The following ELMOD2 variants were observed in gnomAD, a reference collection of about 807,000 sequenced individuals.
ELMOD2 encodes ELMO domain-containing protein 2.
A neutral mutation model predicts 41.0 loss-of-function variants in ELMOD2; 28 were observed. The observed-to-expected ratio is 0.68, with a 90% confidence interval of 0.51 to 0.94. The LOEUF (loss-of-function observed/expected upper bound fraction) is 0.94. Ranked by LOEUF, ELMOD2 falls within the 40% of genes least tolerant of loss-of-function variation. The pLI, the probability that ELMOD2 is intolerant of heterozygous loss-of-function variation, is 0.00. For missense variants in ELMOD2, 333 were observed against 343.1 expected, an observed-to-expected ratio of 0.97 and a Z score of 0.23; for synonymous variants, 106 against 107.2, an observed-to-expected ratio of 0.99 and a Z score of 0.07.
intron 8 of ELMOD2, among the ~76,000 whole-genome samples, chr4:140,547,347 C>T (rs1158645442): frequency 6.6e-6 from 1 of 152,082 alleles, no homozygotes; most frequent in Non-Finnish European, 1.5e-5. Context: ...TTTTTAGCTC[C>T]ATTGTCATCT....
Position 140,550,449 on chromosome 4 carries a change from T to G in ELMOD2, c.*74T>G. 1 of 1,387,886 alleles carries G rather than the reference T, an allele frequency of 7.2e-7. No homozygotes were observed. The highest frequency in any genetic ancestry group is 9.7e-7 in the Non-Finnish European group (1 of 1,025,896). 86.0% of individuals were successfully genotyped at this position (1,387,886 alleles called of 1,614,324 possible). ...AATTTATATGTTGTAATAGGAATTA[T>G]CTGATCAATTACACTCTTATATATA... On this transcript the variant is annotated 3_prime_UTR_variant, in exon 9 of 9. Transcript: ENST00000323570.
At chr4:140,548,665 A>T (rs1735369028) in intron 8 of ELMOD2, among the ~76,000 whole-genome samples, 1 of 152,158 alleles carries the variant, frequency 6.6e-6, no homozygotes, top group African/African-American at 2.4e-5. Context: ...CACATCATTT[A>T]ACTTCTCTGC....
In ELMOD2 at chr4:140,550,384, C is replaced by T. The variant is rs75824346; in HGVS notation, c.*9C>T. The T allele has an allele frequency of 1.5e-3, 2,304 of 1,585,338 alleles. 28 individuals carry two copies. The Admixed American group carries it at 0.022, about 15-fold the overall frequency. On this transcript the variant is annotated 3_prime_UTR_variant, in exon 9 of 9. Transcript: ENST00000323570. ...TTACTTTAAAAGTATAAATCATCCA[C>T]TGTATCTTCTATTTCTACCACATTT...
rs144001576 is a variant in ELMOD2, at chr4:140,538,050, A to G, written c.399+509A>G. ...CAAAAGATTTAAACTTTAAGAAAGT[A>G]AAAATTATTTACTTAGAATTTTCCT... On this transcript the variant is annotated intron_variant, in intron 5 of 8. Transcript: ENST00000323570. Among the ~76,000 whole-genome samples, 5 of 152,328 alleles carry G rather than the reference A, an allele frequency of 3.3e-5. No homozygotes were observed. In the East Asian group the frequency reaches 9.6e-4, roughly 29 times the overall value.
In ELMOD2 at chr4:140,551,142, A is replaced by G. The variant is rs573141582; in HGVS notation, c.*767A>G. 1.8e-4 allele frequency: 27 copies of G among 152,256 alleles called. No homozygotes were observed. The highest frequency in any genetic ancestry group is 3.4e-3 in the Middle Eastern group (1 of 294). The allele number at this position is 152,256 out of a possible 1,614,324, so 9.4% of individuals were successfully genotyped here. ...TTTTCTTCTCTACCTATGTATGCTT[A>G]TGAAACCGCTCTACCTACATATGAA... On this transcript the variant is annotated 3_prime_UTR_variant, in exon 9 of 9. Coordinates refer to ENST00000323570, the MANE Select transcript of ELMOD2 (RefSeq NM_153702.4).
At chr4:140,543,753 C>T (rs1271689928) in intron 8 of ELMOD2, among the ~76,000 whole-genome samples, 167 bp downstream of exon 8, 1 of 151,918 alleles carries the variant, frequency 6.6e-6, no homozygotes, top group Non-Finnish European at 1.5e-5. Flanking sequence ...GAAGATGGGT[C>T]CCCAAGAGTA....
rs1399437683 is a variant in ELMOD2, at chr4:140,535,810, T to C, written c.249T>C (p.Ile83=). 7 of 1,608,760 alleles carry C rather than the reference T, an allele frequency of 4.4e-6. No individual in the cohort carries two copies. The African/African-American group carries it at 8.1e-5, about 19-fold the overall frequency. ...ATGATATTATGAAGGAAAAGAATAT[T>C]AACCCTGAGAAGGATGCCAGGTGTG... ...YVDDIMKEKN[I]NPEKDASFKI... is the part of the protein sequence containing the mutation. Residue 83 remains isoleucine, a synonymous_variant, in exon 4 of 9, where the codon ATT becomes ATC. Coordinates refer to ENST00000323570, the MANE Select transcript of ELMOD2 (RefSeq NM_153702.4).
intron 2 of ELMOD2, among the ~76,000 whole-genome samples, chr4:140,526,392 T>C (rs1734562683): frequency 6.6e-6 from 1 of 152,200 alleles, no homozygotes; most frequent in African/African-American, 2.4e-5. Flanking sequence ...AAAATTTTAC[T>C]CTAAAATTTG....
chr4:140,546,901 G>T (rs1578776403), intron 8 of ELMOD2, among the ~76,000 whole-genome samples: 1 of 152,222 alleles, frequency 6.6e-6, no homozygotes, highest in South Asian at 2.1e-4. Flanking sequence ...TATAAGAGCT[G>T]TAGATCATCC....
At position 140,535,713 on chromosome 4, in the gene ELMOD2, G is replaced by A. The variant is rs377121754; in HGVS notation, c.172-20G>A. 1.8e-4 allele frequency: 284 copies of A among 1,596,098 alleles called. No individual in the cohort carries two copies. The highest frequency in any genetic ancestry group is 3.4e-4 in the Middle Eastern group (2 of 5,880). On this transcript the variant is annotated intron_variant, in intron 3 of 8. Transcript: ENST00000323570. ...AGCTACAAAGAATTTTTCTCATTTGGCTTTCTTTTACATAAATAGGTTTTA... is the reference window on the plus strand; with the variant it reads ...AGCTACAAAGAATTTTTCTCATTTGACTTTCTTTTACATAAATAGGTTTTA...
Position 140,551,222 on chromosome 4 carries a change from G to C in ELMOD2, c.*847G>C, listed in dbSNP as rs188275124. Reference sequence around the variant, plus strand: ...GAGATGTATTTGCCAAGAAAATCTTGATTATATAAAAGACAAAAAGATTAT... The same window carrying C: ...GAGATGTATTTGCCAAGAAAATCTTCATTATATAAAAGACAAAAAGATTAT... On this transcript the variant is annotated 3_prime_UTR_variant, in exon 9 of 9. Coordinates refer to ENST00000323570, the MANE Select transcript of ELMOD2 (RefSeq NM_153702.4). 6.6e-6 allele frequency: 1 copy of C among 152,066 alleles called. No homozygotes were observed. Among genetic ancestry groups the C allele is most frequent in the East Asian group, 1.9e-4 (1 of 5,188 alleles). 9.4% of individuals were successfully genotyped at this position (152,066 alleles called of 1,614,324 possible).
intron 3 of ELMOD2, among the ~76,000 whole-genome samples, chr4:140,534,567 G>A (rs1734853987): frequency 6.6e-6 from 1 of 152,148 alleles, no homozygotes; most frequent in Non-Finnish European, 1.5e-5. Flanking sequence ...TAATGGAATA[G>A]TATATACAGG....
At chr4:140,535,547 A>G (rs1346695838) in intron 3 of ELMOD2, 186 bp from the exon 4 acceptor site, 1 of 501,074 alleles carries the variant, frequency 2.0e-6, no homozygotes, top group Non-Finnish European at 3.5e-6. Flanking sequence ...CTGTTCTTTT[A>G]TTATAAAACT....
At chr4:140,549,234 C>T (rs1229076269) in intron 8 of ELMOD2, among the ~76,000 whole-genome samples, 1 of 152,018 alleles carries the variant, frequency 6.6e-6, no homozygotes, top group African/African-American at 2.4e-5. Context: ...TAAAAATTGA[C>T]ATATTAGCTC....
chr4:140,545,018 T>C (rs1170611257), intron 8 of ELMOD2, among the ~76,000 whole-genome samples: 1 of 152,280 alleles, frequency 6.6e-6, no homozygotes, highest in East Asian at 1.9e-4. Context: ...CTGCTCTCTT[T>C]GTTCATGAAA....
chr4:140,524,836 A>G, intron 1 of ELMOD2: 1 of 166,846 alleles, frequency 6.0e-6, no homozygotes, highest in East Asian at 1.9e-4. Flanking sequence ...ACTTGTTAGT[A>G]TTTCTGCCCT....
chr4:140,526,333 G>T (rs939576562), intron 2 of ELMOD2, among the ~76,000 whole-genome samples: 4 of 152,196 alleles, frequency 2.6e-5, no homozygotes, highest in Non-Finnish European at 5.9e-5. Context: ...CTGTTGAACA[G>T]TGTTGCTCTG....
chr4:140,525,285 CT>C, intron 1 of ELMOD2, 134 bp from the exon 2 acceptor site: 1 of 926,746 alleles, frequency 1.1e-6, no homozygotes, highest in South Asian at 1.8e-5. Flanking sequence ...TTTTAAATGC[CT>C]AATTAAACTG....
chr4:140,540,500 T>A (rs953934702), intron 6 of ELMOD2, among the ~76,000 whole-genome samples, 199 bp downstream of exon 6: 12 of 152,218 alleles, frequency 7.9e-5, no homozygotes, highest in African/African-American at 2.4e-4. Flanking sequence ...ACGCCTGTAA[T>A]CCCAGCACTT....
Sources: allele counts gnomAD v4.1 joint callset (sites outside exome capture counted in the v4.1 genomes callset), GRCh38; gene constraint gnomAD v4.1.1; transcripts MANE v1.5; gene names NCBI Gene and HGNC (gene_info 2026-07-23, HGNC 2026-07-21).